Variants in LRMDA observed in about 807,000 individuals in gnomAD.
LRMDA encodes leucine rich melanocyte differentiation associated, also known as leucine-rich melanocyte differentiation-associated protein.
Under a neutral mutation model 29.8 loss-of-function variants are expected in LRMDA, and 18 were observed. The ratio of observed to expected loss-of-function variants is 0.60; its 90% CI spans 0.42 to 0.90. The LOEUF (loss-of-function observed/expected upper bound fraction) is 0.90. LRMDA is among the 40% of genes least tolerant of loss of function. LRMDA has a pLI of 0.00. For synonymous variants in LRMDA, 125 were observed against 109.4 expected, an observed-to-expected ratio of 1.14 and a Z score of -0.89; for missense variants, 273 against 273.9, an observed-to-expected ratio of 1.00 and a Z score of 0.02.
intron 2 of LRMDA, among the ~76,000 whole-genome samples, chr10:75,668,525 A>C (rs1841851703): frequency 6.6e-6 from 1 of 152,192 alleles, no homozygotes; most frequent in African/African-American, 2.4e-5. Flanking sequence ...TTTTGTCTCC[A>C]AGTGTAATGC....
At chr10:75,595,139 A>G (rs1840770538) in intron 2 of LRMDA, among the ~76,000 whole-genome samples, 2 of 152,186 alleles carry the variant, frequency 1.3e-5, no homozygotes, top group South Asian at 4.1e-4. Context: ...AAATCTTTTG[A>G]AATCCAAACA....
chr10:75,616,249 T>TAGCAGCAGCAGCAGCAGC (rs58265820), intron 2 of LRMDA, among the ~76,000 whole-genome samples: 2,097 of 150,360 alleles, frequency 0.014, 48 homozygotes, highest in African/African-American at 0.049. Flanking sequence ...GTAGCAGCAG[T>TAGCAGCAGCAGCAGCAGC]AGCAGCAGCA....
In LRMDA at chr10:76,352,065, T is replaced by C. The variant is rs571300255; in HGVS notation, c.601+27580T>C. 3.0e-4 allele frequency among the ~76,000 whole-genome samples: 46 copies of C among 152,222 alleles called. No individual in the cohort carries two copies. The South Asian group carries it at 9.1e-3, about 30-fold the overall frequency. Reference sequence around the variant, plus strand: ...CCTCTCCATAAAATAGGGACAATAATAACACCTGCCTTACTAAGGTTGTTG... The same window carrying C: ...CCTCTCCATAAAATAGGGACAATAACAACACCTGCCTTACTAAGGTTGTTG... On this transcript the variant is annotated intron_variant, in intron 6 of 6. Transcript: ENST00000611255.
intron 6 of LRMDA, among the ~76,000 whole-genome samples, chr10:76,532,599 G>T (rs1013709462): frequency 6.6e-6 from 1 of 152,154 alleles, no homozygotes; most frequent in African/African-American, 2.4e-5. Context: ...GATGGGTAGT[G>T]CACAGAAAGA....
Position 75,438,484 on chromosome 10 carries a change from A to T in LRMDA, c.121A>T (p.Asn41Tyr). Reference protein sequence around the residue: ...HFAKRLDLSFNLLRSLEGLSA... With the variant: ...HFAKRLDLSFYLLRSLEGLSA... ...CGCAAAGAGGCTTGATCTGAGCTTTAACCTTCTGAGGTATGTAACCTTCAC... is the reference window on the plus strand; with the variant it reads ...CGCAAAGAGGCTTGATCTGAGCTTTTACCTTCTGAGGTATGTAACCTTCAC... The change falls in exon 2 of 7, where the codon AAC (asparagine) becomes TAC (tyrosine). Residue 41 changes from asparagine to tyrosine, a missense_variant. Physicochemically the swap from Asn to Tyr is moderately radical, Grantham distance 143. Coordinates refer to ENST00000611255, the MANE Select transcript of LRMDA (RefSeq NM_001305581.2). 1 of 1,550,636 alleles carries T rather than the reference A, an allele frequency of 6.4e-7. No homozygotes were observed. The highest frequency in any genetic ancestry group is 8.7e-7 in the Non-Finnish European group (1 of 1,146,950).
chr10:75,745,867 T>C (rs1313695636), intron 2 of LRMDA, among the ~76,000 whole-genome samples: 1 of 152,232 alleles, frequency 6.6e-6, no homozygotes, highest in Admixed American at 6.5e-5. Context: ...AGGTATTTTG[T>C]AGAATGTGCC....
rs144805150 is a variant in LRMDA at position 76,439,615 on chromosome 10, A to T, written c.601+115130A>T. On this transcript the variant is annotated intron_variant, in intron 6 of 6. Transcript: ENST00000611255. ...CAAGTGAGTTTGAACCACAGGACCAAGCTGGCTGAGTGATCTCAGGATTAG... is the reference window on the plus strand; with the variant it reads ...CAAGTGAGTTTGAACCACAGGACCATGCTGGCTGAGTGATCTCAGGATTAG... Among the ~76,000 whole-genome samples the T allele has an allele frequency of 3.3e-5, 5 of 152,330 alleles. No individual in the cohort carries two copies. The East Asian group carries it at 9.7e-4, about 29-fold the overall frequency.
intron 2 of LRMDA, among the ~76,000 whole-genome samples, chr10:75,930,210 C>T (rs1846184255): frequency 6.6e-6 from 1 of 152,188 alleles, no homozygotes; most frequent in African/African-American, 2.4e-5. Context: ...CTTGTATAAA[C>T]AACTCTCACC....
intron 2 of LRMDA, among the ~76,000 whole-genome samples, chr10:75,828,660 T>C (rs564638995): frequency 1.3e-5 from 2 of 152,298 alleles, no homozygotes; most frequent in Non-Finnish European, 2.9e-5. Context: ...TCTACTCTTA[T>C]GACGCTGCAC....
intron 5 of LRMDA, among the ~76,000 whole-genome samples, chr10:76,183,692 A>C (rs982258765): frequency 3.3e-5 from 5 of 152,360 alleles, no homozygotes; most frequent in African/African-American, 1.2e-4. Flanking sequence ...TTTCATTTGA[A>C]TAAGGAATCA....
At chr10:76,220,596 C>A (rs1851813389) in intron 5 of LRMDA, among the ~76,000 whole-genome samples, 1 of 152,114 alleles carries the variant, frequency 6.6e-6, no homozygotes, top group South Asian at 2.1e-4. Context: ...CTGAATAGAC[C>A]AATAACAGGC....
At chr10:75,523,457 C>A (rs1411331814) in intron 2 of LRMDA, among the ~76,000 whole-genome samples, 1 of 152,172 alleles carries the variant, frequency 6.6e-6, no homozygotes, top group Non-Finnish European at 1.5e-5. Flanking sequence ...TGTTCTAATG[C>A]TGTTTTTAAT....
At chr10:76,249,815 A>G (rs1320788198) in intron 5 of LRMDA, among the ~76,000 whole-genome samples, 1 of 152,012 alleles carries the variant, frequency 6.6e-6, no homozygotes, top group Non-Finnish European at 1.5e-5. Context: ...GTATTTATTT[A>G]TTTTTTGAGA....
chr10:75,964,296 A>G lies in LRMDA; in HGVS notation c.132-71712A>G, dbSNP rs930147419. ...GAAATGTTTGGTTCCTCCCTTTGGA[A>G]AGCATCCAATTAACACACCATCCAG... On this transcript the variant is annotated intron_variant, in intron 2 of 6. Transcript: ENST00000611255. 7.2e-5 allele frequency among the ~76,000 whole-genome samples: 11 copies of G among 152,228 alleles called. No individual in the cohort carries two copies. The East Asian group carries it at 1.9e-3, about 27-fold the overall frequency.
At chr10:75,864,385 C>T (rs1449301053) in intron 2 of LRMDA, among the ~76,000 whole-genome samples, 2 of 152,186 alleles carry the variant, frequency 1.3e-5, no homozygotes, top group African/African-American at 4.8e-5. Flanking sequence ...TCCTGTTCCC[C>T]TGAGTGTGAG....
At chr10:75,574,664 C>G (rs1178968605) in intron 2 of LRMDA, among the ~76,000 whole-genome samples, 2 of 152,132 alleles carry the variant, frequency 1.3e-5, no homozygotes, top group African/African-American at 2.4e-5. Context: ...GTCCTTAGCT[C>G]TCTGTCAGTT....
chr10:75,684,689 T>G (rs1311685860), intron 2 of LRMDA, among the ~76,000 whole-genome samples: 2 of 152,148 alleles, frequency 1.3e-5, no homozygotes, highest in African/African-American at 4.8e-5. Context: ...CTTCTTTAAT[T>G]TAAGATGGGG....
intron 2 of LRMDA, among the ~76,000 whole-genome samples, chr10:75,980,137 G>A (rs920602100): frequency 3.3e-5 from 5 of 152,166 alleles, no homozygotes; most frequent in African/African-American, 9.7e-5. Flanking sequence ...TCACTCAAAG[G>A]GATAATTCGT....
At chr10:75,707,303 C>T (rs1316375197) in intron 2 of LRMDA, among the ~76,000 whole-genome samples, 3 of 152,304 alleles carry the variant, frequency 2.0e-5, no homozygotes, top group Admixed American at 1.3e-4. Flanking sequence ...TTGGGAACCA[C>T]TGTAAGTGTG....
Sources: gnomAD v4.1 joint callset for allele counts (sites outside exome capture counted in the v4.1 genomes callset) on GRCh38, gnomAD v4.1.1 for gene constraint, MANE v1.5 for transcripts, NCBI Gene and HGNC (gene_info 2026-07-23, HGNC 2026-07-21) for gene names.